The following SWAP70 variants were observed in gnomAD, a reference collection of about 807,000 sequenced individuals.
SWAP70 encodes the protein switch-associated protein 70.
Under a neutral mutation model 80.2 loss-of-function variants are expected in SWAP70, and 34 were observed. The observed-to-expected ratio is 0.42, with a 90% CI of 0.32 to 0.56. The LOEUF is 0.56. SWAP70 is among the 20% of genes least tolerant of loss of function. The pLI, the probability that SWAP70 is intolerant of heterozygous loss-of-function variation, is 0.09. For synonymous variants in SWAP70, 239 were observed against 238.5 expected (o/e 1.00, Z -0.02); for missense variants, 578 against 690.7 (o/e 0.84, Z 1.83).
chr11:9,711,354 C>T (rs192533869), intron 2 of SWAP70, among the ~76,000 whole-genome samples: 119 of 152,252 alleles, frequency 7.8e-4, no homozygotes, highest in African/African-American at 2.5e-3. Flanking sequence ...ACTGGCTTGT[C>T]TTTCACTGTG....
intron 1 of SWAP70, among the ~76,000 whole-genome samples, chr11:9,676,686 G>T (rs1850505018): frequency 7.2e-6 from 1 of 138,362 alleles, no homozygotes; most frequent in East Asian, 2.1e-4. Flanking sequence ...GTCTTGCTCT[G>T]TTGCCCAGGC....
Position 9,750,017 on chromosome 11 carries a change from G to A in SWAP70, c.*47G>A. On this transcript the variant is annotated 3_prime_UTR_variant, in exon 12 of 12. Transcript: ENST00000318950. The stretch of plus-strand genomic sequence containing the variant: ...TCAGTTATGTAGATACTGCATGGCA[G>A]GAGAGCTTTACGCTAAAGACAAAAG... 2 of 1,329,434 alleles carry A rather than the reference G, an allele frequency of 1.5e-6. No individual in the cohort carries two copies. The highest frequency in any genetic ancestry group is 2.2e-6 in the Non-Finnish European group (2 of 924,736). The allele number at this position is 1,329,434 out of a possible 1,614,324, so 82.4% of individuals were successfully genotyped here.
chr11:9,698,182 C>T (rs1332561024), intron 2 of SWAP70, among the ~76,000 whole-genome samples: 4 of 144,712 alleles, frequency 2.8e-5, no homozygotes, highest in Admixed American at 7.4e-5. Context: ...CTCACTGCAT[C>T]CTCCGCCTCC....
intron 4 of SWAP70, among the ~76,000 whole-genome samples, chr11:9,727,160 G>T (rs1473373965): frequency 6.6e-6 from 1 of 152,002 alleles, no homozygotes; most frequent in African/African-American, 2.4e-5. Flanking sequence ...GGAGGCTGAG[G>T]TGGGCGGATC....
chr11:9,738,286 C>T lies in SWAP70; in HGVS notation c.1154C>T (p.Ala385Val), dbSNP rs775366538. 2 of 1,610,324 alleles carry T rather than the reference C, an allele frequency of 1.2e-6. No individual in the cohort carries two copies. The highest frequency in any genetic ancestry group is 4.5e-5 in the East Asian group (2 of 44,560). The change falls in exon 8 of 12, where the codon GCC (alanine) becomes GTC (valine). Residue 385 changes from alanine (A) to valine (V), a missense_variant. Coordinates refer to ENST00000318950, the MANE Select transcript of SWAP70 (RefSeq NM_015055.4). Reference sequence around the variant, plus strand: ...CTTCAGACTCAAGTGGAACTTCAGGCCAGGTTCAGCACAGAGCTGGAAAGA... The same window carrying T: ...CTTCAGACTCAAGTGGAACTTCAGGTCAGGTTCAGCACAGAGCTGGAAAGA... ...KRLQTQVELQ[A>V]RFSTELEREK...
chr11:9,691,548 A>G (rs943284074), intron 1 of SWAP70, among the ~76,000 whole-genome samples: 12 of 152,208 alleles, frequency 7.9e-5, no homozygotes, highest in South Asian at 4.1e-4. Context: ...GTTCAAATCT[A>G]TATCTTCTGC....
chr11:9,716,083 A>G (rs1459328732), intron 3 of SWAP70, among the ~76,000 whole-genome samples: 1 of 152,190 alleles, frequency 6.6e-6, no homozygotes, highest in Non-Finnish European at 1.5e-5. Flanking sequence ...AGAATGATAC[A>G]TGTCCTTTCT....
At chr11:9,741,040 G>T (rs184328241) in intron 9 of SWAP70, 3 of 153,214 alleles carry the variant, frequency 2.0e-5, no homozygotes, top group Non-Finnish European at 2.9e-5. Flanking sequence ...AGGTGTCTGG[G>T]ATGGGAGACA....
At chr11:9,721,730 C>T (rs1007804734) in intron 3 of SWAP70, among the ~76,000 whole-genome samples, 5 of 152,056 alleles carry the variant, frequency 3.3e-5, no homozygotes, top group Admixed American at 6.6e-5. Context: ...GTCTCAGCTT[C>T]CCAAAGGGAT....
intron 2 of SWAP70, among the ~76,000 whole-genome samples, chr11:9,698,723 G>C (rs963938213): frequency 2.6e-5 from 4 of 152,036 alleles, no homozygotes; most frequent in African/African-American, 9.7e-5. Flanking sequence ...TGTTTTTAAA[G>C]AATTTCCTTT....
At chr11:9,729,846 CCT>C in intron 6 of SWAP70, among the ~76,000 whole-genome samples, 1 of 152,152 alleles carries the variant, frequency 6.6e-6, no homozygotes, top group Non-Finnish European at 1.5e-5. Flanking sequence ...GGCGTTACTT[CCT>C]CATTGTAGTT....
intron 1 of SWAP70, among the ~76,000 whole-genome samples, chr11:9,686,997 A>G (rs1211802561): frequency 1.3e-5 from 2 of 152,200 alleles, no homozygotes; most frequent in South Asian, 2.1e-4. Context: ...ACCAGGTATT[A>G]CTTAGGCAAA....
rs1452086832 is a variant in SWAP70, at chr11:9,750,273, G to A, written c.*303G>A. On this transcript the variant is annotated 3_prime_UTR_variant, in exon 12 of 12. Coordinates refer to ENST00000318950, the MANE Select transcript of SWAP70 (RefSeq NM_015055.4). ...GGAGAATCACTTGAACGTGGGAGGCGGAGGTTGCAGCGAGCTGAGATCATG... is the reference window on the plus strand; with the variant it reads ...GGAGAATCACTTGAACGTGGGAGGCAGAGGTTGCAGCGAGCTGAGATCATG... The A allele has an allele frequency of 2.3e-5, 5 of 215,964 alleles. No individual in the cohort carries two copies. The highest frequency in any genetic ancestry group is 9.9e-5 in the East Asian group (1 of 10,124). 13.4% of individuals were successfully genotyped at this position (215,964 alleles called of 1,614,324 possible). A position where few individuals can be genotyped will look rare whatever the true frequency, so the allele number is the denominator to read the frequency against.
Position 9,666,724 on chromosome 11 carries a change from ATT to A in SWAP70, c.99+2463_99+2464del, listed in dbSNP as rs58246147. Among the ~76,000 whole-genome samples, 334 of 106,250 alleles carry A rather than the reference ATT, an allele frequency of 3.1e-3. 1 individual carries two copies. Among genetic ancestry groups the A allele is most frequent in the South Asian group, 0.018 (56 of 3,108 alleles). 69.7% of individuals were successfully genotyped at this position (106,250 alleles called of 152,430 possible). ...CCAGATATTCCCAGATGACCTCTTA[ATT>A]TTTTTTTTTTTTTTTTGAGCCGGAG... On this transcript the variant is annotated intron_variant, in intron 1 of 11. Transcript: ENST00000318950.
At chr11:9,727,951 G>A (rs975650797) in intron 4 of SWAP70, 102 bp from the exon 5 acceptor site, 4 of 1,139,930 alleles carry the variant, frequency 3.5e-6, no homozygotes, top group Non-Finnish European at 4.8e-6. Context: ...ATGTTTTCAG[G>A]ATCATATATC....
At chr11:9,720,587 G>A (rs1192664200) in intron 3 of SWAP70, 1 of 604,920 alleles carries the variant, frequency 1.7e-6, no homozygotes, top group Admixed American at 6.5e-5. Context: ...GCACACACAT[G>A]TGGCTATACA....
rs575696221 is a variant in SWAP70, at chr11:9,696,557, A to G, written c.240+2271A>G. On this transcript the variant is annotated intron_variant, in intron 2 of 11. Coordinates refer to ENST00000318950, the MANE Select transcript of SWAP70 (RefSeq NM_015055.4). ...ACACACCCTCAAATCAATATATGCT[A>G]TTTTGTTTCAACATGAATAGGATCA... 3.8e-3 allele frequency among the ~76,000 whole-genome samples: 585 copies of G among 152,232 alleles called. 5 individuals carry two copies. The highest frequency in any genetic ancestry group is 6.2e-3 in the Non-Finnish European group (421 of 68,004).
At chr11:9,713,701 T>C (rs994470499) in intron 3 of SWAP70, 62 bp downstream of exon 3, 13 of 1,529,422 alleles carry the variant, frequency 8.5e-6, no homozygotes, top group Non-Finnish European at 1.1e-5. Context: ...CCTGGCTTGG[T>C]ATTTTTTCTG....
chr11:9,709,310 G>T (rs1016064134), intron 2 of SWAP70, among the ~76,000 whole-genome samples: 3 of 151,840 alleles, frequency 2.0e-5, no homozygotes, highest in Admixed American at 1.3e-4. Context: ...AATGTTTTTG[G>T]TAGAAATAAG....
Sources: gnomAD v4.1 joint callset for allele counts (sites outside exome capture counted in the v4.1 genomes callset) on GRCh38, gnomAD v4.1.1 for gene constraint, MANE v1.5 for transcripts, NCBI Gene and HGNC (gene_info 2026-07-23, HGNC 2026-07-21) for gene names.